NR3C2: variants seen among roughly 807,000 people sequenced by gnomAD.
The protein encoded by NR3C2 is nuclear receptor subfamily 3 group C member 2.
In NR3C2, 15 loss-of-function variants were observed where a neutral mutation model predicts 86.4. That is an observed-to-expected ratio of 0.17 (90% CI 0.12 to 0.27). The LOEUF is 0.27. NR3C2 is among the 10% of genes least tolerant of loss of function. NR3C2 has a pLI of 1.00. For synonymous variants in NR3C2, 458 were observed against 450.5 expected, an observed-to-expected ratio of 1.02 and a Z score of -0.21; for missense variants, 960 against 1,195.6, an observed-to-expected ratio of 0.80 and a Z score of 2.91.
chr4:148,245,042 A>G (rs72653901), intron 3 of NR3C2, among the ~76,000 whole-genome samples: 145 of 152,244 alleles, frequency 9.5e-4, no homozygotes, highest in African/African-American at 3.3e-3. Context: ...TCAAATGCAC[A>G]TTTTATGTTT....
At chr4:148,281,598 T>C (rs1034646553) in intron 2 of NR3C2, among the ~76,000 whole-genome samples, 1 of 152,258 alleles carries the variant, frequency 6.6e-6, no homozygotes, top group African/African-American at 2.4e-5. Context: ...TGCTTTCTTA[T>C]TTAAGGTCCA....
At chr4:148,163,048 G>A (rs1734735525) in intron 4 of NR3C2, among the ~76,000 whole-genome samples, 1 of 152,148 alleles carries the variant, frequency 6.6e-6, no homozygotes, top group South Asian at 2.1e-4. Context: ...TAAATCATGG[G>A]GAGCATCTAT....
chr4:148,234,614 C>G (rs903477352), intron 3 of NR3C2, among the ~76,000 whole-genome samples: 3 of 149,706 alleles, frequency 2.0e-5, no homozygotes, highest in African/African-American at 7.4e-5. Flanking sequence ...ACCCAGGAAG[C>G]AGAGGTTGCA....
chr4:148,115,865 G>A (rs1732252057), intron 7 of NR3C2, among the ~76,000 whole-genome samples: 1 of 152,102 alleles, frequency 6.6e-6, no homozygotes, highest in Non-Finnish European at 1.5e-5. Context: ...AATGTTAAAT[G>A]CTATCCATTA....
chr4:148,178,660 C>A (rs1234880213), intron 4 of NR3C2, among the ~76,000 whole-genome samples: 1 of 151,364 alleles, frequency 6.6e-6, no homozygotes, highest in Non-Finnish European at 1.5e-5. Context: ...TCTGACCATA[C>A]CAGCCTGGGT....
At chr4:148,110,947 T>TA (rs1481220045) in intron 8 of NR3C2, among the ~76,000 whole-genome samples, 1 of 152,180 alleles carries the variant, frequency 6.6e-6, no homozygotes, top group African/African-American at 2.4e-5. Context: ...GCTTCTCAGA[T>TA]ACAGCCCTGA....
At chr4:148,104,463 C>A (rs530795311) in intron 8 of NR3C2, among the ~76,000 whole-genome samples, 8 of 150,936 alleles carry the variant, frequency 5.3e-5, no homozygotes, top group Middle Eastern at 3.2e-3. Flanking sequence ...TTACTTAGAG[C>A]CTTCTTAGTC....
At chr4:148,101,226 T>C (rs539088898) in intron 8 of NR3C2, among the ~76,000 whole-genome samples, 1 of 152,374 alleles carries the variant, frequency 6.6e-6, no homozygotes, top group East Asian at 1.9e-4. Flanking sequence ...CCCCTTCTCA[T>C]TTCTGTAAAA....
chr4:148,262,469 C>T (rs1017704208), intron 2 of NR3C2, among the ~76,000 whole-genome samples: 1 of 152,106 alleles, frequency 6.6e-6, no homozygotes, highest in East Asian at 1.9e-4. Context: ...TAACACGCAC[C>T]TCAACCTCAA....
chr4:148,098,947 G>T (rs1731416653), intron 8 of NR3C2, among the ~76,000 whole-genome samples: 1 of 152,040 alleles, frequency 6.6e-6, no homozygotes, highest in South Asian at 2.1e-4. Flanking sequence ...TAGGCCCTGG[G>T]TTTAAAAGTT....
chr4:148,444,419 C>G (rs1750494700), upstream of NR3C2: 1 of 986,030 alleles, frequency 1.0e-6, no homozygotes, highest in Non-Finnish European at 1.2e-6. Context: ...CTCGCCAACC[C>G]GCGCCCTCTG....
chr4:148,272,143 T>C (rs1031285851), intron 2 of NR3C2, among the ~76,000 whole-genome samples: 13 of 152,170 alleles, frequency 8.5e-5, no homozygotes, highest in African/African-American at 2.4e-4. Flanking sequence ...TTAGAACTCA[T>C]ATTCTAGTAT....
In NR3C2 at chr4:148,104,345, T is replaced by TGGTTG. The variant is rs1161631611; in HGVS notation, c.2799+9758_2799+9759insCAACC. Among the ~76,000 whole-genome samples, 303 of 138,426 alleles carry TGGTTG rather than the reference T, an allele frequency of 2.2e-3. 2 individuals carry two copies. Among genetic ancestry groups the TGGTTG allele is most frequent in the Non-Finnish European group, 3.7e-3 (239 of 64,612 alleles). The allele number at this position is 138,426 out of a possible 152,430, so 90.8% of individuals were successfully genotyped here. On this transcript the variant is annotated intron_variant, in intron 8 of 8. Transcript: ENST00000358102. ...TGTTTTTTTGTGTTTTGGTTTGGTTTTTTTTTTTTTTTTTTTTGCATAATT... is the reference window on the plus strand; with the variant it reads ...TGTTTTTTTGTGTTTTGGTTTGGTTTGGTTGTTTTTTTTTTTTTTTTTGCATAATT...
At position 148,086,283 on chromosome 4, in the gene NR3C2, A is replaced by ATCAAG. The variant is rs1730808370; in HGVS notation, c.2800-4789_2800-4785dup. On this transcript the variant is annotated intron_variant, in intron 8 of 8. Coordinates refer to ENST00000358102, the MANE Select transcript of NR3C2 (RefSeq NM_000901.5). Reference sequence around the variant, plus strand: ...CACATTAAAAAGCTTATCTACCACGATCAAGTCGGCTTCATCCCTGGGATG... The same window carrying ATCAAG: ...CACATTAAAAAGCTTATCTACCACGATCAAGTCAAGTCGGCTTCATCCCTGGGATG... Among the ~76,000 whole-genome samples, 4 of 152,340 alleles carry ATCAAG rather than the reference A, an allele frequency of 2.6e-5. No homozygotes were observed. The South Asian group carries it at 8.3e-4, about 32-fold the overall frequency.
intron 3 of NR3C2, among the ~76,000 whole-genome samples, chr4:148,229,244 C>T (rs1579042517): frequency 6.6e-6 from 1 of 152,140 alleles, no homozygotes; most frequent in Non-Finnish European, 1.5e-5. Context: ...ACGCCTTAGG[C>T]ACTGGGAGAA....
chr4:148,114,165 T>C lies in NR3C2; in HGVS notation c.2738A>G (p.Asn913Ser). 2 of 1,613,926 alleles carry C rather than the reference T, an allele frequency of 1.2e-6. No individual in the cohort carries two copies. Among genetic ancestry groups the C allele is most frequent in the South Asian group, 2.2e-5 (2 of 91,064 alleles). Residue 913 changes from asparagine (N) to serine (S), a missense_variant, in exon 8 of 9, where the codon AAT (asparagine) becomes AGT (serine). Asn to Ser is a conservative substitution (Grantham distance 46). Coordinates refer to ENST00000358102, the MANE Select transcript of NR3C2 (RefSeq NM_000901.5). ...LRKMVTKCPN[N>S]SGQSWQRFYQ... Reference sequence around the variant, plus strand: ...GAACCTCTGCCAGCTCTGCCCAGAATTGTTGGGACACTTAGTTACCATCTT... The same window carrying C: ...GAACCTCTGCCAGCTCTGCCCAGAACTGTTGGGACACTTAGTTACCATCTT...
rs1178936468 is a variant in NR3C2, at chr4:148,346,715, A to G, written c.1758-86598T>C. Among the ~76,000 whole-genome samples, 5 of 152,280 alleles carry G rather than the reference A, an allele frequency of 3.3e-5. No homozygotes were observed. In the East Asian group the frequency reaches 9.7e-4, roughly 29 times the overall value. ...GTAAGATCTCAATTTTTATACTGAT[A>G]TGTTGAAATAATATTTTGATATACC... On this transcript the variant is annotated intron_variant, in intron 2 of 8. Transcript: ENST00000358102.
At chr4:148,386,381 C>A (rs1170086696) in intron 2 of NR3C2, among the ~76,000 whole-genome samples, 1 of 152,204 alleles carries the variant, frequency 6.6e-6, no homozygotes, top group Non-Finnish European at 1.5e-5. Flanking sequence ...TCCATACAAA[C>A]AACTAAGGCA....
At chr4:148,437,992 C>A (rs1046723893) in intron 1 of NR3C2, among the ~76,000 whole-genome samples, 1 of 152,196 alleles carries the variant, frequency 6.6e-6, no homozygotes. Flanking sequence ...AAGCTTCTTG[C>A]ATATATTAAT....
Sources: allele counts gnomAD v4.1 joint callset (sites outside exome capture counted in the v4.1 genomes callset), GRCh38; gene constraint gnomAD v4.1.1; transcripts MANE v1.5; gene names NCBI Gene and HGNC (gene_info 2026-07-23, HGNC 2026-07-21).